The following ANK1 variants were observed in gnomAD, a reference collection of about 807,000 sequenced individuals.
ANK1 encodes the protein ankyrin 1, also known as ankyrin-1.
Under a neutral mutation model 210.4 loss-of-function variants are expected in ANK1, and 51 were observed. The observed-to-expected ratio is 0.24, with a 90% CI of 0.19 to 0.31. ANK1 has a LOEUF of 0.31. Ranked by LOEUF, ANK1 falls within the 10% of genes least tolerant of loss-of-function variation. ANK1 has a pLI of 1.00. For synonymous variants in ANK1, 967 were observed against 1,025.9 expected, an observed-to-expected ratio of 0.94 and a Z score of 1.10; for missense variants, 2,051 against 2,504.4, an observed-to-expected ratio of 0.82 and a Z score of 3.86.
Position 41,751,793 on chromosome 8 carries a change from G to A in ANK1, c.129+6243C>T, listed in dbSNP as rs527840136. Among the ~76,000 whole-genome samples, 9 of 152,212 alleles carry A rather than the reference G, an allele frequency of 5.9e-5. No homozygotes were observed. The South Asian group carries it at 8.3e-4, about 14-fold the overall frequency. The stretch of plus-strand genomic sequence containing the variant: ...CTGAGTCTATCCTCCACACAGCAGC[G>A]AGGGCAATTGTTTAGAAACCTCCAT... On this transcript the variant is annotated intron_variant, in intron 2 of 42. Transcript: ENST00000289734.
intron 1 of ANK1, among the ~76,000 whole-genome samples, chr8:41,823,187 G>A (rs552600624): frequency 2.6e-5 from 4 of 152,230 alleles, no homozygotes; most frequent in South Asian, 2.1e-4. Flanking sequence ...CTGTACTGAC[G>A]CATGGGAGTA....
intron 1 of ANK1, among the ~76,000 whole-genome samples, chr8:41,876,127 C>T (rs1587567824): frequency 1.3e-5 from 2 of 152,138 alleles, no homozygotes; most frequent in Admixed American, 1.3e-4. Context: ...TGTCCTAGAG[C>T]TCGGAGCGGC....
rs989597448 is a variant in ANK1 at position 41,829,069 on chromosome 8, C to T, written c.126+67286G>A. 3.3e-5 allele frequency: 5 copies of T among 152,386 alleles called. 1 individual carries two copies. Among genetic ancestry groups the T allele is most frequent in the East Asian group, 1.9e-4 (1 of 5,192 alleles). 9.4% of individuals were successfully genotyped at this position (152,386 alleles called of 1,614,324 possible). On this transcript the variant is annotated intron_variant, in intron 1 of 42. Coordinates refer to the ANK1 transcript ENST00000265709. ...GTCTAGACCGGTCCGTGAGGGTCCC[C>T]TGCTCACCGGACACCCTGCCGCAAT...
chr8:41,842,630 C>A (rs958111428), intron 1 of ANK1, among the ~76,000 whole-genome samples: 1 of 152,144 alleles, frequency 6.6e-6, no homozygotes, highest in African/African-American at 2.4e-5. Context: ...GCCTGCCTTG[C>A]GTCATTGTGG....
chr8:41,868,746 C>T (rs1814944105), intron 1 of ANK1, among the ~76,000 whole-genome samples: 1 of 152,166 alleles, frequency 6.6e-6, no homozygotes, highest in African/African-American at 2.4e-5. Context: ...CAAAACTATT[C>T]CCTTCAAAAT....
chr8:41,755,100 G>C (rs577085955), intron 2 of ANK1, among the ~76,000 whole-genome samples: 1 of 152,254 alleles, frequency 6.6e-6, no homozygotes, highest in African/African-American at 2.4e-5. Context: ...TGAGGCAGGA[G>C]CCTCCCCTCA....
In ANK1 at chr8:41,844,161, C is replaced by T. The variant is rs562699545; in HGVS notation, c.126+52194G>A. ...GTGTTGGGATTACAAGCGTGAGCCA[C>T]TTCACCTGGCCTGTCCCTGCCTTTT... On this transcript the variant is annotated intron_variant, in intron 1 of 42. Transcript: ENST00000265709. 4.6e-5 allele frequency among the ~76,000 whole-genome samples: 7 copies of T among 152,346 alleles called. No homozygotes were observed. In the South Asian group the frequency reaches 1.4e-3, roughly 32 times the overall value.
In ANK1 at chr8:41,813,850, A is replaced by G. The variant is rs11990823; in HGVS notation, c.127-55713T>C. 4.3e-3 allele frequency among the ~76,000 whole-genome samples: 654 copies of G among 152,322 alleles called. 3 individuals are homozygous for G. Among genetic ancestry groups the G allele is most frequent in the African/African-American group, 0.015 (614 of 41,562 alleles). ...CCTTACCCACCTTTAATGTAACAATATGAACTATGTATTCAAGGTACCACA... is the reference window on the plus strand; with the variant it reads ...CCTTACCCACCTTTAATGTAACAATGTGAACTATGTATTCAAGGTACCACA... On this transcript the variant is annotated intron_variant, in intron 1 of 42. Transcript: ENST00000265709.
rs202161280 is a variant in ANK1, at chr8:41,870,914, C to T, written c.126+25441G>A. Among the ~76,000 whole-genome samples the T allele has an allele frequency of 9.9e-5, 15 of 152,272 alleles. No individual in the cohort carries two copies. In the East Asian group the frequency reaches 2.9e-3, roughly 29 times the overall value. On this transcript the variant is annotated intron_variant, in intron 1 of 42. Transcript: ENST00000265709. ...TTCTGGAATCAAGGATGAGCTGCTC[C>T]CCACCCCTCCTGGCTCTCGAATGGG...
At chr8:41,802,995 GAGAAAGAAAGAAAGAA>G (rs58986564) in intron 1 of ANK1, among the ~76,000 whole-genome samples, 21 of 57,524 alleles carry the variant, frequency 3.7e-4, no homozygotes, top group African/African-American at 9.4e-4. Flanking sequence ...GAGAGAAAGA[GAGAAAGAAAGAAAGAA>G]AGAAAGAAAG....
chr8:41,780,134 C>T (rs1314379150), intron 1 of ANK1, among the ~76,000 whole-genome samples: 13 of 152,170 alleles, frequency 8.5e-5, no homozygotes, highest in Admixed American at 8.5e-4. Context: ...ATAGTCCTCC[C>T]AGGGCCTCCC....
chr8:41,723,020 T>C, intron 9 of ANK1, 105 bp downstream of exon 9: 2 of 994,972 alleles, frequency 2.0e-6, no homozygotes, highest in Admixed American at 3.6e-5. Flanking sequence ...CTATCTCATC[T>C]AGTAGTATTA....
chr8:41,892,316 C>T lies in ANK1; in HGVS notation c.126+4039G>A, dbSNP rs1270490460. The stretch of plus-strand genomic sequence containing the variant: ...CCTCTCCTGTCCAGGAGCAGGGCCT[C>T]CTCCTGCTGAGAGAGGAAGGCTGCA... On this transcript the variant is annotated intron_variant, in intron 1 of 42. Coordinates refer to the ANK1 transcript ENST00000265709. 2.0e-5 allele frequency among the ~76,000 whole-genome samples: 3 copies of T among 152,136 alleles called. 1 individual carries two copies. The highest frequency in any genetic ancestry group is 1.9e-4 in the East Asian group (1 of 5,176).
chr8:41,696,631 C>A, intron 25 of ANK1, 44 bp from the exon 26 acceptor site: 1 of 1,610,338 alleles, frequency 6.2e-7, no homozygotes, highest in South Asian at 1.1e-5. Flanking sequence ...CATCCCCTCT[C>A]GGAGATGGAG....
At chr8:41,726,887 C>T (rs748438518) in intron 5 of ANK1, among the ~76,000 whole-genome samples, 1 of 152,172 alleles carries the variant, frequency 6.6e-6, no homozygotes, top group East Asian at 1.9e-4. Flanking sequence ...TGAGACTTGT[C>T]CAAGGGTGCA....
intron 1 of ANK1, 87 bp from the exon 2 acceptor site, chr8:41,758,224 C>T: frequency 8.3e-7 from 1 of 1,197,742 alleles, no homozygotes; most frequent in Non-Finnish European, 1.2e-6. Context: ...CCGCAGCAGC[C>T]CCTGCATCCT....
chr8:41,767,671 G>A (rs938053186), intron 1 of ANK1, among the ~76,000 whole-genome samples: 3 of 152,084 alleles, frequency 2.0e-5, no homozygotes, highest in Non-Finnish European at 4.4e-5. Context: ...GCGCGCGGGG[G>A]CGCGGGCGGG....
chr8:41,717,667 C>T lies in ANK1; in HGVS notation c.1242G>A (p.Met414Ile), dbSNP rs149982951. 1.3e-6 allele frequency: 2 copies of T among 1,551,574 alleles called. No homozygotes were observed. Among genetic ancestry groups the T allele is most frequent in the Admixed American group, 2.0e-5 (1 of 50,996 alleles). Reference protein sequence around the residue: ...GLTPLHVASFMGHLPIVKNLL... With the variant: ...GLTPLHVASFIGHLPIVKNLL... ...GGTTCTTCACGATGGGAAGGTGCCCCATGAAGGAGGCCACGTGGAGAGGTG... is the reference window on the plus strand; with the variant it reads ...GGTTCTTCACGATGGGAAGGTGCCCTATGAAGGAGGCCACGTGGAGAGGTG... Residue 414 changes from methionine (M) to isoleucine (I), a missense_variant, in exon 12 of 43, where the codon ATG becomes ATA. Met to Ile is a conservative substitution (Grantham distance 10). Coordinates refer to ENST00000289734, the MANE Select transcript of ANK1 (RefSeq NM_000037.4).
intron 2 of ANK1, among the ~76,000 whole-genome samples, chr8:41,739,289 T>A (rs1834135639): frequency 1.3e-5 from 2 of 152,350 alleles, no homozygotes; most frequent in East Asian, 1.9e-4. Flanking sequence ...TGAGAAAGTG[T>A]CTTTTGTTTT....
Sources: gnomAD v4.1 joint callset for allele counts (sites outside exome capture counted in the v4.1 genomes callset) on GRCh38, gnomAD v4.1.1 for gene constraint, MANE v1.5 for transcripts, NCBI Gene and HGNC (gene_info 2026-07-23, HGNC 2026-07-21) for gene names.